NCKAP1L: variants seen among roughly 807,000 people sequenced by gnomAD.
The protein encoded by NCKAP1L is NCK associated protein 1 like.
Under a neutral mutation model 139.2 loss-of-function variants are expected in NCKAP1L, and 53 were observed. The ratio of observed to expected loss-of-function variants is 0.38; its 90% CI spans 0.31 to 0.48. The LOEUF is 0.48. Ranked by LOEUF, NCKAP1L falls within the 20% of genes least tolerant of loss-of-function variation. The probability of loss-of-function intolerance (pLI) is 0.98; values close to 1 mark genes in which losing one functional copy is unlikely to be tolerated. For missense variants in NCKAP1L, 1,151 were observed against 1,381.9 expected, an observed-to-expected ratio of 0.83 and a Z score of 2.65; for synonymous variants, 468 against 499.7, an observed-to-expected ratio of 0.94 and a Z score of 0.85.
chr12:54,513,407 A>G (rs946411234), intron 9 of NCKAP1L, among the ~76,000 whole-genome samples: 7 of 152,314 alleles, frequency 4.6e-5, no homozygotes, highest in African/African-American at 1.7e-4. Context: ...GGATTCAGAT[A>G]AAGATTGCTG....
At chr12:54,501,442 A>C (rs1458070158) in intron 3 of NCKAP1L, among the ~76,000 whole-genome samples, 1 of 152,082 alleles carries the variant, frequency 6.6e-6, no homozygotes, top group Non-Finnish European at 1.5e-5. Flanking sequence ...TCAAAACCCT[A>C]CTTTCAATTC....
chr12:54,500,575 A>C lies in NCKAP1L; in HGVS notation c.256A>C (p.Arg86=). The change falls in exon 3 of 31, where the codon AGA becomes CGA. Residue 86 remains arginine, a synonymous_variant. Transcript: ENST00000293373. The part of the protein sequence containing the change: ...PVHREKAEII[R]FLTNYYQSFV... ...ACATCGTGAAAAAGCCGAGATAATT[A>C]GATTCCTCACCAACTACTACCAGTC... 6.2e-7 allele frequency: 1 copy of C among 1,613,886 alleles called. No homozygotes were observed. The highest frequency in any genetic ancestry group is 8.5e-7 in the Non-Finnish European group (1 of 1,179,734).
chr12:54,523,621 G>T, intron 19 of NCKAP1L, 82 bp downstream of exon 19: 1 of 1,521,108 alleles, frequency 6.6e-7, no homozygotes, highest in Non-Finnish European at 8.8e-7. Context: ...GACACAGAAA[G>T]AAAAGAGCGC....
At chr12:54,529,901 C>T (rs1362466442) in intron 22 of NCKAP1L, among the ~76,000 whole-genome samples, 1 of 152,204 alleles carries the variant, frequency 6.6e-6, no homozygotes, top group Non-Finnish European at 1.5e-5. Context: ...ACTGGTAGAT[C>T]AGTGTGTCTC....
Position 54,526,633 on chromosome 12 carries a change from G to T in NCKAP1L, c.2262G>T (p.Leu754=). The T allele has an allele frequency of 6.2e-7, 1 of 1,614,084 alleles. No individual in the cohort carries two copies. The highest frequency in any genetic ancestry group is 8.5e-7 in the Non-Finnish European group (1 of 1,180,026). The change falls in exon 21 of 31, where the codon CTG becomes CTT. Residue 754 remains leucine (L), a synonymous_variant. Coordinates refer to ENST00000293373, the MANE Select transcript of NCKAP1L (RefSeq NM_005337.5). ...VKAYIGFIQS[L]AQFLGADASR... ...CATACATTGGTTTCATACAGTCACT[G>T]GCCCAGTTTTTGGGTGCAGATGCTT... is the stretch of plus-strand genomic sequence containing the variant.
In NCKAP1L at chr12:54,497,806, C is replaced by T. The variant is rs765790695; in HGVS notation, c.17C>T (p.Ala6Val). The change falls in exon 1 of 31, where the codon GCT (alanine) becomes GTT (valine). Residue 6 changes from alanine (A) to valine (V), a missense_variant. Coordinates refer to ENST00000293373, the MANE Select transcript of NCKAP1L (RefSeq NM_005337.5). ...GTGGCCATCATGTCTTTGACATCTG[C>T]TTACCAGCATAAATTAGCAGAGAAG... is the stretch of plus-strand genomic sequence containing the variant. MSLTSAYQHKLAEKLT... is the reference protein window; with the variant it reads MSLTSVYQHKLAEKLT... 2.5e-6 allele frequency: 4 copies of T among 1,612,730 alleles called. No homozygotes were observed. The highest frequency in any genetic ancestry group is 2.2e-5 in the South Asian group (2 of 91,060).
chr12:54,523,909 CT>C lies in NCKAP1L; in HGVS notation c.2111del (p.Phe704SerfsTer146). 1 of 1,614,154 alleles carries C rather than the reference CT, an allele frequency of 6.2e-7. No homozygotes were observed. The highest frequency in any genetic ancestry group is 2.2e-5 in the East Asian group (1 of 44,890). Reference sequence around the variant, plus strand: ...GTTTCTCCGTGTTTGAACATACTATCTTCCCTTCTGAGTACCTCAGCAGCCA... The same window carrying C: ...GTTTCTCCGTGTTTGAACATACTATCTCCCTTCTGAGTACCTCAGCAGCCA... ...YSFSVFEHTI[F>X]PSEYLSSHLE... On this transcript the variant is annotated frameshift_variant, in exon 20 of 31. Coordinates refer to ENST00000293373, the MANE Select transcript of NCKAP1L (RefSeq NM_005337.5). LOFTEE classifies it high-confidence loss of function.
chr12:54,501,371 G>C (rs767503256), intron 3 of NCKAP1L, among the ~76,000 whole-genome samples: 17 of 152,146 alleles, frequency 1.1e-4, no homozygotes, highest in Non-Finnish European at 2.1e-4. Context: ...CACTTAGGTT[G>C]CTTCCAAGTT....
intron 11 of NCKAP1L, 151 bp from the exon 12 acceptor site, chr12:54,517,382 T>C (rs769285237): frequency 7.9e-6 from 5 of 630,608 alleles, no homozygotes; most frequent in Non-Finnish European, 5.6e-6. Flanking sequence ...TGTTCTGTAG[T>C]TGAGGTTTTT....
At chr12:54,520,901 T>C (rs1448571454) in intron 17 of NCKAP1L, 75 bp downstream of exon 17, 2 of 1,596,132 alleles carry the variant, frequency 1.3e-6, no homozygotes, top group Admixed American at 3.3e-5. Flanking sequence ...ATTCCAAGGG[T>C]TGATTTTGGT....
rs1032030684 is a variant in NCKAP1L at position 54,506,458 on chromosome 12, A to G, written c.307-1395A>G. On this transcript the variant is annotated intron_variant, in intron 3 of 30. Transcript: ENST00000293373. ...TGCTCTGTCACCCAGGCTGGAGTGC[A>G]GTGGCATGATCTCAGCTCACTGCAA... 9.9e-5 allele frequency among the ~76,000 whole-genome samples: 15 copies of G among 151,974 alleles called. No homozygotes were observed. In the South Asian group the frequency reaches 3.1e-3, roughly 32 times the overall value.
chr12:54,533,132 A>G (rs1839159960), intron 26 of NCKAP1L, among the ~76,000 whole-genome samples: 1 of 152,228 alleles, frequency 6.6e-6, no homozygotes, highest in South Asian at 2.1e-4. Flanking sequence ...GTGTTTCACT[A>G]GGATAGCTGC....
Position 54,536,262 on chromosome 12 carries a change from T to G in NCKAP1L, c.3073+17T>G. ...AGAAGGATGGTAAGTAAGGGGTAGGTTTGAGACACCAGTGCTATTCAAGTT... is the reference window on the plus strand; with the variant it reads ...AGAAGGATGGTAAGTAAGGGGTAGGGTTGAGACACCAGTGCTATTCAAGTT... On this transcript the variant is annotated intron_variant, in intron 28 of 30. Transcript: ENST00000293373. 1.3e-6 allele frequency: 2 copies of G among 1,531,860 alleles called. No individual in the cohort carries two copies. The highest frequency in any genetic ancestry group is 1.8e-6 in the Non-Finnish European group (2 of 1,106,718). The allele number at this position is 1,531,860 out of a possible 1,614,324, so 94.9% of individuals were successfully genotyped here.
intron 25 of NCKAP1L, 71 bp from the exon 26 acceptor site, chr12:54,532,099 T>TA: frequency 8.3e-7 from 1 of 1,211,196 alleles, no homozygotes; most frequent in Non-Finnish European, 1.2e-6. Flanking sequence ...TTTTTTTTTT[T>TA]TTTATTTCTA....
chr12:54,529,590 C>T (rs1473025602), intron 22 of NCKAP1L, among the ~76,000 whole-genome samples: 1 of 152,204 alleles, frequency 6.6e-6, no homozygotes, highest in East Asian at 1.9e-4. Flanking sequence ...CATCATCCCG[C>T]CTCCATCAGT....
chr12:54,523,933 C>A lies in NCKAP1L; in HGVS notation c.2133C>A (p.Ser711Arg). Residue 711 changes from serine (S) to arginine (R), a missense_variant, in exon 20 of 31, where the codon AGC becomes AGA. Physicochemically the swap from Ser to Arg is moderately radical, Grantham distance 110. Coordinates refer to ENST00000293373, the MANE Select transcript of NCKAP1L (RefSeq NM_005337.5). Reference sequence around the variant, plus strand: ...TCTTCCCTTCTGAGTACCTCAGCAGCCACCTGGAGGCCAGACTCAACAGGT... The same window carrying A: ...TCTTCCCTTCTGAGTACCTCAGCAGACACCTGGAGGCCAGACTCAACAGGT... ...HTIFPSEYLS[S>R]HLEARLNRAI... 1 of 1,613,996 alleles carries A rather than the reference C, an allele frequency of 6.2e-7. No homozygotes were observed. Among genetic ancestry groups the A allele is most frequent in the Non-Finnish European group, 8.5e-7 (1 of 1,179,898 alleles).
chr12:54,517,045 G>A lies in NCKAP1L; in HGVS notation c.1095+53G>A, dbSNP rs1291680001. Reference sequence around the variant, plus strand: ...ATGATGGCCAGTGATAAGAGACTGTGTAGCTACGTGGCACTCACGAGATTT... The same window carrying A: ...ATGATGGCCAGTGATAAGAGACTGTATAGCTACGTGGCACTCACGAGATTT... On this transcript the variant is annotated intron_variant, in intron 11 of 30. Coordinates refer to ENST00000293373, the MANE Select transcript of NCKAP1L (RefSeq NM_005337.5). 4 of 1,499,454 alleles carry A rather than the reference G, an allele frequency of 2.7e-6. No homozygotes were observed. In the African/African-American group the frequency reaches 5.5e-5, roughly 21 times the overall value. 92.9% of individuals were successfully genotyped at this position (1,499,454 alleles called of 1,614,324 possible).
Position 54,531,754 on chromosome 12 carries a change from G to A in NCKAP1L, c.2710G>A (p.Val904Met). 6 of 1,612,038 alleles carry A rather than the reference G, an allele frequency of 3.7e-6. No homozygotes were observed. Among genetic ancestry groups the A allele is most frequent in the Non-Finnish European group, 5.1e-6 (6 of 1,178,234 alleles). Residue 904 changes from valine to methionine, a missense_variant, in exon 25 of 31, where the codon GTG (valine) becomes ATG (methionine). By Grantham distance (21) the Val-to-Met change is conservative (BLOSUM62 1). Transcript: ENST00000293373. ...LLPQLTGAEN[V>M]LKRMTIIGVI... ...TTCTTTCTCCTCAGGGGCTGAAAAT[G>A]TGCTAAAGCGCATGACCATCATTGG...
rs1957187462 is a variant in NCKAP1L, at chr12:54,545,009, A to G, written c.*2324A>G. On this transcript the variant is annotated 3_prime_UTR_variant, in exon 31 of 31. Transcript: ENST00000293373. ...CGAGACTCTGTCTCAAAAAATAAATAATAATTTAAAAAAAGATACAGAACA... is the reference window on the plus strand; with the variant it reads ...CGAGACTCTGTCTCAAAAAATAAATGATAATTTAAAAAAAGATACAGAACA... The G allele has an allele frequency of 6.6e-6, 1 of 152,204 alleles. No homozygotes were observed. The highest frequency in any genetic ancestry group is 2.4e-5 in the African/African-American group (1 of 41,526). 9.4% of individuals were successfully genotyped at this position (152,204 alleles called of 1,614,324 possible). A position where few individuals can be genotyped will look rare whatever the true frequency, so the allele number is the denominator to read the frequency against.
Sources: allele counts gnomAD v4.1 joint callset (sites outside exome capture counted in the v4.1 genomes callset), GRCh38; gene constraint gnomAD v4.1.1; transcripts MANE v1.5; gene names NCBI Gene and HGNC (gene_info 2026-07-23, HGNC 2026-07-21).